The following ACSM3 variants were observed in gnomAD, a reference collection of about 807,000 sequenced individuals.
The protein encoded by ACSM3 is acyl-coenzyme A synthetase ACSM3, mitochondrial.
A neutral mutation model predicts 74.1 loss-of-function variants in ACSM3; 61 were observed. The ratio of observed to expected loss-of-function variants is 0.82; its 90% CI spans 0.67 to 1.02. The LOEUF (loss-of-function observed/expected upper bound fraction) is 1.02, where lower values mean the gene tolerates loss of function less well. Among genes scored for constraint, ACSM3 ranks in the 50% least tolerant of loss-of-function variants. The pLI is 0.00. For synonymous variants in ACSM3, 213 were observed against 241.5 expected (o/e 0.88, Z 1.09); for missense variants, 660 against 697.0 (o/e 0.95, Z 0.60).
intron 1 of ACSM3, among the ~76,000 whole-genome samples, chr16:20,698,306 T>C: frequency 6.6e-6 from 1 of 152,164 alleles, no homozygotes; most frequent in East Asian, 1.9e-4. Flanking sequence ...TAGTTCTCTG[T>C]GGCTAACCTG....
At chr16:20,757,350 C>T (rs1353127832) in intron 3 of ACSM3, among the ~76,000 whole-genome samples, 8 of 150,856 alleles carry the variant, frequency 5.3e-5, no homozygotes, top group African/African-American at 1.4e-4. Flanking sequence ...AGGTCCTTCA[C>T]GTCCCTTGTA....
At chr16:20,749,063 CAAAAAAA>C (rs1567336356) in intron 1 of ACSM3, among the ~76,000 whole-genome samples, 1 of 149,562 alleles carries the variant, frequency 6.7e-6, no homozygotes, top group African/African-American at 2.5e-5. Flanking sequence ...TCCGTCTCCA[CAAAAAAA>C]GAAAAAAGAA....
intron 1 of ACSM3, among the ~76,000 whole-genome samples, chr16:20,747,843 G>A (rs1019034474): frequency 2.0e-5 from 3 of 152,180 alleles, no homozygotes; most frequent in African/African-American, 7.2e-5. Flanking sequence ...TAGGTATAGT[G>A]TACATGTAAG....
At chr16:20,677,875 A>T (rs1478634749) in intron 1 of ACSM3, among the ~76,000 whole-genome samples, 1 of 152,196 alleles carries the variant, frequency 6.6e-6, no homozygotes, top group Non-Finnish European at 1.5e-5. Context: ...AAAGAAAAAA[A>T]AGGCTTTTAA....
intron 1 of ACSM3, among the ~76,000 whole-genome samples, chr16:20,686,407 A>G (rs2079554482): frequency 6.6e-6 from 1 of 152,136 alleles, no homozygotes. Context: ...CCCAGTCATG[A>G]AAAAGCCATA....
chr16:20,741,828 T>C, intron 1 of ACSM3: 1 of 1,539,902 alleles, frequency 6.5e-7, no homozygotes, highest in Non-Finnish European at 8.7e-7. Context: ...TGACGTCGGA[T>C]ATGAGCGACG....
Position 20,792,241 on chromosome 16 carries a change from G to A in ACSM3, c.1460G>A (p.Arg487Gln), listed in dbSNP as rs1267372126. Residue 487 changes from arginine to glutamine, a missense_variant, in exon 12 of 14, where the codon CGA becomes CAA. Coordinates refer to ENST00000289416, the MANE Select transcript of ACSM3 (RefSeq NM_005622.4). ...ADDVILSSGY[R>Q]IGPFEVENAL... ...CCTGCCATATGTGTTTCTAGCTATCGAATTGGACCATTTGAGGTAGAAAAT... is the reference window on the plus strand; with the variant it reads ...CCTGCCATATGTGTTTCTAGCTATCAAATTGGACCATTTGAGGTAGAAAAT... 13 of 1,613,904 alleles carry A rather than the reference G, an allele frequency of 8.1e-6. No individual in the cohort carries two copies. The highest frequency in any genetic ancestry group is 1.3e-5 in the African/African-American group (1 of 74,888).
At chr16:20,725,542 C>A in intron 1 of ACSM3, 1 of 159,826 alleles carries the variant, frequency 6.3e-6, no homozygotes, top group South Asian at 2.0e-4. Flanking sequence ...CTTTCTGAGT[C>A]TTACCACTAC....
intron 1 of ACSM3, chr16:20,749,816 G>C (rs957439218): frequency 6.6e-6 from 1 of 152,234 alleles, no homozygotes; most frequent in Non-Finnish European, 1.5e-5. Flanking sequence ...CTCCAATCTT[G>C]TTTCCTCGCC....
At position 20,682,296 on chromosome 16, in the gene ACSM3, G is replaced by T. The variant is rs970780421; in HGVS notation, c.-190+7474G>T. On this transcript the variant is annotated intron_variant, in intron 1 of 3. Transcript: ENST00000561584. ...AAGTCCAGCCACCCTTCACGGCTGT[G>T]ATCAGACACCAGGAGCTTGGTTTTC... 6 of 1,613,780 alleles carry T rather than the reference G, an allele frequency of 3.7e-6. 1 individual carries two copies. The Admixed American group carries it at 1.0e-4, about 27-fold the overall frequency.
intron 9 of ACSM3, chr16:20,789,693 T>C (rs1468104525): frequency 1.4e-5 from 9 of 627,266 alleles, no homozygotes; most frequent in Admixed American, 3.0e-5. Flanking sequence ...TCTTTTTTTT[T>C]TTTTTTTTTT....
intron 1 of ACSM3, chr16:20,738,621 C>A: frequency 2.5e-6 from 1 of 394,406 alleles, no homozygotes; most frequent in Non-Finnish European, 4.6e-6. Context: ...AGCTGAGTAG[C>A]AGCTGCCCCT....
intron 1 of ACSM3, chr16:20,722,202 T>C (rs1210697413): frequency 6.6e-6 from 1 of 152,198 alleles, no homozygotes; most frequent in Non-Finnish European, 1.5e-5. Context: ...TGAGCCTTTT[T>C]TAAATGTGCT....
At chr16:20,769,000 T>C (rs2080159583) in intron 1 of ACSM3, among the ~76,000 whole-genome samples, 1 of 152,194 alleles carries the variant, frequency 6.6e-6, no homozygotes, top group Non-Finnish European at 1.5e-5. Flanking sequence ...GCAATAACTG[T>C]AGATGTCAGC....
In ACSM3 at chr16:20,767,542, A is replaced by AC. The variant is rs2080141101; in HGVS notation, c.-51-2442_-51-2441insC. Among the ~76,000 whole-genome samples, 2 of 151,648 alleles carry AC rather than the reference A, an allele frequency of 1.3e-5. 1 individual carries two copies. Among genetic ancestry groups the AC allele is most frequent in the Non-Finnish European group, 2.9e-5 (2 of 67,940 alleles). Reference sequence around the variant, plus strand: ...AAAAAAAAAAAAAAAAAAAAAAAAAAAAACAGGGACCGGTAGTTCCCTCTG... The same window carrying AC: ...AAAAAAAAAAAAAAAAAAAAAAAAAACAAACAGGGACCGGTAGTTCCCTCTG... On this transcript the variant is annotated intron_variant, in intron 1 of 13. Transcript: ENST00000289416.
chr16:20,750,227 A>C (rs1482440238), intron 2 of ACSM3, among the ~76,000 whole-genome samples: 1 of 152,214 alleles, frequency 6.6e-6, no homozygotes, highest in African/African-American at 2.4e-5. Context: ...ATTTTATATC[A>C]ATCTGTATCT....
At chr16:20,794,748 A>C (rs2080683407) in intron 12 of ACSM3, among the ~76,000 whole-genome samples, 1 of 152,204 alleles carries the variant, frequency 6.6e-6, no homozygotes, top group Non-Finnish European at 1.5e-5. Context: ...TAATCATCAT[A>C]ATCTCTTTTA....
chr16:20,794,405 T>G (rs992382808), intron 12 of ACSM3, among the ~76,000 whole-genome samples: 1 of 152,184 alleles, frequency 6.6e-6, no homozygotes, highest in Non-Finnish European at 1.5e-5. Context: ...GTTCTATATT[T>G]GCACCATCCA....
intron 1 of ACSM3, chr16:20,722,208 G>A (rs1313917639): frequency 6.6e-6 from 1 of 152,174 alleles, no homozygotes; most frequent in Non-Finnish European, 1.5e-5. Context: ...TTTTTTAAAT[G>A]TGCTGGTTAA....
Sources: allele counts gnomAD v4.1 joint callset (sites outside exome capture counted in the v4.1 genomes callset), GRCh38; gene constraint gnomAD v4.1.1; transcripts MANE v1.5; gene names NCBI Gene and HGNC (gene_info 2026-07-23, HGNC 2026-07-21).